Variants in PTPRD observed in about 807,000 individuals in gnomAD.
The protein encoded by PTPRD is receptor-type tyrosine-protein phosphatase delta.
In PTPRD, 34 loss-of-function variants were observed where a neutral mutation model predicts 214.5. The ratio of observed to expected loss-of-function variants is 0.16; its 90% CI spans 0.12 to 0.21. PTPRD has a LOEUF of 0.21. PTPRD is among the 10% of genes least tolerant of loss of function. The pLI, the probability that PTPRD is intolerant of heterozygous loss-of-function variation, is 1.00. For synonymous variants in PTPRD, 1,128 were observed against 845.7 expected (o/e 1.33, Z -5.79); for missense variants, 2,545 against 2,398.7 (o/e 1.06, Z -1.27).
intron 5 of PTPRD, among the ~76,000 whole-genome samples, chr9:9,777,325 G>GCACACACA (rs34617348): frequency 1.4e-4 from 20 of 143,182 alleles, no homozygotes; most frequent in African/African-American, 4.6e-4. Flanking sequence ...GCACATACAT[G>GCACACACA]CACACACACA....
chr9:9,016,076 T>G (rs750088000), intron 11 of PTPRD, among the ~76,000 whole-genome samples: 14 of 152,130 alleles, frequency 9.2e-5, no homozygotes, highest in Non-Finnish European at 1.5e-4. Context: ...AAAAACATGC[T>G]CACTAATACT....
intron 3 of PTPRD, among the ~76,000 whole-genome samples, chr9:10,197,298 A>G (rs2099402067): frequency 6.6e-6 from 1 of 152,140 alleles, no homozygotes; most frequent in South Asian, 2.1e-4. Context: ...AGTCAATGAG[A>G]AAACTGGGTA....
chr9:9,696,584 G>C (rs2097378217), intron 7 of PTPRD, among the ~76,000 whole-genome samples: 1 of 151,950 alleles, frequency 6.6e-6, no homozygotes, highest in African/African-American at 2.4e-5. Flanking sequence ...TGTAGTATTT[G>C]ACTTAAAAGT....
intron 9 of PTPRD, among the ~76,000 whole-genome samples, chr9:9,289,060 G>C (rs1251996175): frequency 6.6e-6 from 1 of 151,684 alleles, no homozygotes; most frequent in Non-Finnish European, 1.5e-5. Context: ...AACAGCATGA[G>C]AACAAACTAA....
chr9:10,592,428 G>A (rs749638312), intron 2 of PTPRD, among the ~76,000 whole-genome samples: 5 of 151,994 alleles, frequency 3.3e-5, no homozygotes, highest in African/African-American at 4.8e-5. Flanking sequence ...AAATTGTTTC[G>A]TGATGGGGAG....
rs544682733 is a variant in PTPRD at position 10,522,853 on chromosome 9, G to GA, written c.-600+89544dup. Among the ~76,000 whole-genome samples the GA allele has an allele frequency of 3.0e-4, 46 of 152,008 alleles. No homozygotes were observed. In the South Asian group the frequency reaches 4.6e-3, roughly 15 times the overall value. ...AAAATAAAAAATTAATGCATAAATAGAAATATTAATTATTTTATAGCATAA... is the reference window on the plus strand; with the variant it reads ...AAAATAAAAAATTAATGCATAAATAGAAAATATTAATTATTTTATAGCATAA... On this transcript the variant is annotated intron_variant, in intron 2 of 45. Coordinates refer to ENST00000381196, the MANE Select transcript of PTPRD (RefSeq NM_002839.4).
intron 14 of PTPRD, among the ~76,000 whole-genome samples, chr9:8,558,323 T>C (rs193140047): frequency 3.7e-4 from 57 of 152,326 alleles, no homozygotes; most frequent in Non-Finnish European, 7.6e-4. Flanking sequence ...AGAATAAACA[T>C]GAGCTGAGTC....
At position 8,486,211 on chromosome 9, in the gene PTPRD, G is replaced by T. The variant is rs994861872; in HGVS notation, c.2606C>A (p.Thr869Asn). The T allele has an allele frequency of 6.2e-7, 1 of 1,614,218 alleles. No homozygotes were observed. The highest frequency in any genetic ancestry group is 8.5e-7 in the Non-Finnish European group (1 of 1,180,038). ...TTCTTTTTCAGAGAACTCAAGAGTA[G>T]TAAGTGGCTCCATATCCTTGCGGCC... ...KFGRKDMEPLTTLEFSEKEDH... is the reference protein window; with the variant it reads ...KFGRKDMEPLNTLEFSEKEDH... The change falls in exon 28 of 46, where the codon ACT (threonine) becomes AAT (asparagine). Residue 869 changes from threonine (T) to asparagine (N), a missense_variant. Coordinates refer to ENST00000381196, the MANE Select transcript of PTPRD (RefSeq NM_002839.4).
At chr9:8,523,224 T>C (rs1456658590) in intron 19 of PTPRD, among the ~76,000 whole-genome samples, 1 of 151,902 alleles carries the variant, frequency 6.6e-6, no homozygotes, top group Non-Finnish European at 1.5e-5. Flanking sequence ...GGGTGGGAGA[T>C]GGGGACAGTG....
chr9:10,499,168 T>G (rs2042936609), intron 2 of PTPRD, among the ~76,000 whole-genome samples: 1 of 151,956 alleles, frequency 6.6e-6, no homozygotes, highest in Non-Finnish European at 1.5e-5. Flanking sequence ...AGCTGAACTG[T>G]CTGCCCAGCT....
intron 8 of PTPRD, among the ~76,000 whole-genome samples, chr9:9,406,541 T>C (rs1490794142): frequency 6.6e-6 from 1 of 151,960 alleles, no homozygotes; most frequent in Non-Finnish European, 1.5e-5. Flanking sequence ...ATTTATCCAC[T>C]GTAGATCAGC....
rs145495304 is a variant in PTPRD at position 8,908,672 on chromosome 9, C to T, written c.-104+110025G>A. Among the ~76,000 whole-genome samples, 932 of 151,776 alleles carry T rather than the reference C, an allele frequency of 6.1e-3. 5 individuals are homozygous for T. The highest frequency in any genetic ancestry group is 0.01 in the Middle Eastern group (3 of 294). ...GTCTCAAATCAATAACCTAAGCCTC[C>T]ATCTTAAGAAACTATAAAAAGAAGA... On this transcript the variant is annotated intron_variant, in intron 11 of 45. Transcript: ENST00000381196.
At chr9:8,745,941 G>T (rs1598559610) in intron 11 of PTPRD, among the ~76,000 whole-genome samples, 1 of 152,196 alleles carries the variant, frequency 6.6e-6, no homozygotes, top group East Asian at 1.9e-4. Context: ...GGGAATACTG[G>T]CAAGTGCCAC....
intron 2 of PTPRD, among the ~76,000 whole-genome samples, chr9:10,447,386 T>C (rs570934719): frequency 6.6e-6 from 1 of 151,994 alleles, no homozygotes; most frequent in Non-Finnish European, 1.5e-5. Flanking sequence ...CTTTGGGCTC[T>C]CATTTGCTAC....
chr9:9,816,513 GAAT>G (rs1439386852), intron 5 of PTPRD, among the ~76,000 whole-genome samples: 2 of 151,762 alleles, frequency 1.3e-5, no homozygotes, highest in East Asian at 1.9e-4. Context: ...TTGAATATTT[GAAT>G]AATATAGTTG....
intron 2 of PTPRD, among the ~76,000 whole-genome samples, chr9:10,530,908 G>C (rs1048908038): frequency 1.3e-4 from 20 of 151,902 alleles, no homozygotes; most frequent in Non-Finnish European, 2.4e-4. Context: ...ATCCACCATA[G>C]TTATAATTAA....
intron 4 of PTPRD, among the ~76,000 whole-genome samples, chr9:10,031,647 T>TACACACACACACACACACACACAC (rs1555494944): frequency 1.1e-5 from 1 of 89,638 alleles, no homozygotes; most frequent in Non-Finnish European, 1.9e-5. Context: ...TATATATATA[T>TACACACACACACACACACACACAC]ACACACACAC....
At chr9:8,921,533 G>A (rs544937583) in intron 11 of PTPRD, among the ~76,000 whole-genome samples, 17 of 151,370 alleles carry the variant, frequency 1.1e-4, no homozygotes, top group Middle Eastern at 3.4e-3. Context: ...TCACTCTGTC[G>A]CCCAGGCTGG....
intron 11 of PTPRD, among the ~76,000 whole-genome samples, chr9:8,899,931 A>T (rs919250949): frequency 6.6e-6 from 1 of 152,234 alleles, no homozygotes; most frequent in Admixed American, 6.5e-5. Flanking sequence ...ATTTGGAAAC[A>T]TGAATCTTTG....
Sources: gnomAD v4.1 joint callset for allele counts (sites outside exome capture counted in the v4.1 genomes callset) on GRCh38, gnomAD v4.1.1 for gene constraint, MANE v1.5 for transcripts, NCBI Gene and HGNC (gene_info 2026-07-23, HGNC 2026-07-21) for gene names.